Variants in SHANK2 observed in about 807,000 individuals in gnomAD.
SHANK2 encodes the protein SH3 and multiple ankyrin repeat domains protein 2.
A neutral mutation model predicts 133.7 loss-of-function variants in SHANK2; 43 were observed. That is an observed-to-expected ratio of 0.32 (90% CI 0.25 to 0.41). The LOEUF is 0.41. Among genes scored for constraint, SHANK2 ranks in the 10% least tolerant of loss-of-function variants. The pLI, the probability that SHANK2 is intolerant of heterozygous loss-of-function variation, is 1.00. For synonymous variants in SHANK2, 1,017 were observed against 952.8 expected, an observed-to-expected ratio of 1.07 and a Z score of -1.24; for missense variants, 1,994 against 2,235.8, an observed-to-expected ratio of 0.89 and a Z score of 2.18.
intron 17 of SHANK2, among the ~76,000 whole-genome samples, chr11:70,601,547 TCA>T (rs1452696664): frequency 2.0e-5 from 3 of 152,114 alleles, no homozygotes; most frequent in African/African-American, 7.2e-5. Context: ...AGACAGGGTT[TCA>T]CCATGTTGGC....
chr11:70,699,799 G>A (rs1229593898), intron 14 of SHANK2, among the ~76,000 whole-genome samples: 2 of 152,206 alleles, frequency 1.3e-5, no homozygotes, highest in Non-Finnish European at 2.9e-5. Flanking sequence ...TGCCCTTGAG[G>A]GCAGGAAAGG....
chr11:71,247,086 A>G (rs1381044653), intron 1 of SHANK2, among the ~76,000 whole-genome samples: 3 of 152,226 alleles, frequency 2.0e-5, no homozygotes, highest in Non-Finnish European at 2.9e-5. Context: ...ACCCATGAGC[A>G]TAAAAGTCTA....
chr11:70,601,472 C>T (rs1246786769), intron 17 of SHANK2, among the ~76,000 whole-genome samples: 1 of 152,176 alleles, frequency 6.6e-6, no homozygotes, highest in Non-Finnish European at 1.5e-5. Flanking sequence ...CTGCCTCAGC[C>T]TCCCAAAGTG....
chr11:71,117,855 G>C (rs1369568967), intron 4 of SHANK2, among the ~76,000 whole-genome samples: 1 of 152,154 alleles, frequency 6.6e-6, no homozygotes, highest in Non-Finnish European at 1.5e-5. Context: ...TCTCTGAGCT[G>C]CTCCAGCAAG....
chr11:70,847,285 T>C (rs1272701672), intron 11 of SHANK2, among the ~76,000 whole-genome samples: 1 of 152,108 alleles, frequency 6.6e-6, no homozygotes, highest in Non-Finnish European at 1.5e-5. Context: ...CTTGATGAGG[T>C]CCACGCCTCC....
intron 11 of SHANK2, among the ~76,000 whole-genome samples, chr11:70,876,661 C>T (rs542411772): frequency 1.2e-3 from 189 of 152,084 alleles, no homozygotes; most frequent in Non-Finnish European, 2.2e-3. Flanking sequence ...GATTCATTAA[C>T]GGGGAAGCTG....
intron 17 of SHANK2, among the ~76,000 whole-genome samples, chr11:70,575,632 C>G (rs1196267424): frequency 6.6e-6 from 1 of 151,020 alleles, no homozygotes; most frequent in African/African-American, 2.4e-5. Flanking sequence ...TCTGCCTCCA[C>G]CTTTGGTGTT....
chr11:71,154,627 C>T lies in SHANK2; in HGVS notation c.-12-7289G>A, dbSNP rs555518534. ...CAAAAGCAGACCTTCTGACACACTGCCCCAAATACTGGAGGGGTGAACTTA... is the reference window on the plus strand; with the variant it reads ...CAAAAGCAGACCTTCTGACACACTGTCCCAAATACTGGAGGGGTGAACTTA... On this transcript the variant is annotated intron_variant, in intron 2 of 25. Transcript: ENST00000601538. 7.2e-5 allele frequency among the ~76,000 whole-genome samples: 11 copies of T among 152,332 alleles called. No individual in the cohort carries two copies. In the South Asian group the frequency reaches 2.1e-3, roughly 29 times the overall value.
intron 17 of SHANK2, among the ~76,000 whole-genome samples, chr11:70,647,049 G>C (rs1555008588): frequency 6.6e-6 from 1 of 151,756 alleles, no homozygotes; most frequent in East Asian, 1.9e-4. Context: ...TTTTTTAGTA[G>C]AGATAGGGGT....
At chr11:70,527,535 G>C (rs2059414267) in intron 17 of SHANK2, among the ~76,000 whole-genome samples, 1 of 152,212 alleles carries the variant, frequency 6.6e-6, no homozygotes, top group African/African-American at 2.4e-5. Context: ...CAGAAGGGCA[G>C]TTGCTATAAA....
At chr11:70,933,878 T>C (rs1324908632) in intron 10 of SHANK2, among the ~76,000 whole-genome samples, 1 of 142,656 alleles carries the variant, frequency 7.0e-6, no homozygotes, top group Non-Finnish European at 1.5e-5. Context: ...CCAGCCTAGG[T>C]GAGAGAGCAA....
chr11:70,716,597 G>T (rs1340410537), intron 14 of SHANK2, among the ~76,000 whole-genome samples: 3 of 152,138 alleles, frequency 2.0e-5, no homozygotes, highest in Non-Finnish European at 4.4e-5. Flanking sequence ...GGGTCCCACT[G>T]GTGCTAACAA....
intron 17 of SHANK2, among the ~76,000 whole-genome samples, chr11:70,606,225 T>C (rs1554992367): frequency 6.6e-6 from 1 of 152,058 alleles, no homozygotes; most frequent in Non-Finnish European, 1.5e-5. Context: ...TCCCCCACCT[T>C]TTCCACTGAA....
intron 14 of SHANK2, among the ~76,000 whole-genome samples, chr11:70,761,643 T>C (rs1946999607): frequency 6.6e-6 from 1 of 152,206 alleles, no homozygotes. Flanking sequence ...CTTTGCCATG[T>C]GTTCCAGTCC....
In SHANK2 at chr11:71,175,195, G is replaced by A. The variant is rs189749047; in HGVS notation, c.-12-27857C>T. On this transcript the variant is annotated intron_variant, in intron 2 of 25. Transcript: ENST00000601538. The surrounding 1 kb of genome is among the most constrained non-coding windows in gnomAD (Gnocchi z 4.2). ...GACAAAACCCATCGTCTTCGCCAGTGCTTCCTCGGCACCTAGTCCAACTCA... is the reference window on the plus strand; with the variant it reads ...GACAAAACCCATCGTCTTCGCCAGTACTTCCTCGGCACCTAGTCCAACTCA... Among the ~76,000 whole-genome samples, 32 of 152,302 alleles carry A rather than the reference G, an allele frequency of 2.1e-4. No individual in the cohort carries two copies. The South Asian group carries it at 5.4e-3, about 26-fold the overall frequency.
At chr11:70,844,831 G>A (rs782475658) in intron 11 of SHANK2, among the ~76,000 whole-genome samples, 1 of 152,188 alleles carries the variant, frequency 6.6e-6, no homozygotes, top group Non-Finnish European at 1.5e-5. Context: ...CCCTGGGCAC[G>A]TGTCTGGCCA....
In SHANK2 at chr11:70,739,410, A is replaced by G. The variant is rs1555034266; in HGVS notation, c.1778-40647T>C. Reference sequence around the variant, plus strand: ...AGCAGCTGCTGCGGTGAGGCCAGGCACAGACTCCAGCCTTGACGCCCAGGC... The same window carrying G: ...AGCAGCTGCTGCGGTGAGGCCAGGCGCAGACTCCAGCCTTGACGCCCAGGC... On this transcript the variant is annotated intron_variant, in intron 14 of 25. Transcript: ENST00000601538. This position sits in a 1 kb window ranked among gnomAD's most constrained non-coding sequence, Gnocchi z 4.3. Among the ~76,000 whole-genome samples the G allele has an allele frequency of 1.3e-5, 2 of 152,204 alleles. No homozygotes were observed. The highest frequency in any genetic ancestry group is 2.9e-5 in the Non-Finnish European group (2 of 68,026).
At chr11:70,595,309 G>C (rs974278949) in intron 17 of SHANK2, among the ~76,000 whole-genome samples, 1 of 152,148 alleles carries the variant, frequency 6.6e-6, no homozygotes, top group Non-Finnish European at 1.5e-5. Flanking sequence ...CCCTCCAAGC[G>C]CCCCCTCGCA....
At chr11:71,082,930 T>C (rs1951319869) in intron 8 of SHANK2, among the ~76,000 whole-genome samples, 2 of 151,390 alleles carry the variant, frequency 1.3e-5, no homozygotes. Flanking sequence ...CAACGGATTG[T>C]TTCTTAACGC....
Sources: gnomAD v4.1 joint callset for allele counts (sites outside exome capture counted in the v4.1 genomes callset) on GRCh38, gnomAD v4.1.1 for gene constraint, Gnocchi (gnomAD v3.1) non-coding constraint, MANE v1.5 for transcripts, NCBI Gene and HGNC (gene_info 2026-07-23, HGNC 2026-07-21) for gene names.